The following LTBP1 variants were observed in gnomAD, a reference collection of about 807,000 sequenced individuals.
The protein encoded by LTBP1 is latent transforming growth factor beta binding protein 1.
A neutral mutation model predicts 207.6 loss-of-function variants in LTBP1; 129 were observed. The ratio of observed to expected loss-of-function variants is 0.62; its 90% confidence interval spans 0.54 to 0.72. The LOEUF is 0.72. Among genes scored for constraint, LTBP1 ranks in the 30% least tolerant of loss-of-function variants. LTBP1 has a pLI of 0.00. For missense variants in LTBP1, 2,281 were observed against 2,217.2 expected (o/e 1.03, Z -0.58); for synonymous variants, 963 against 833.7 (o/e 1.16, Z -2.67).
intron 23 of LTBP1, among the ~76,000 whole-genome samples, chr2:33,314,495 G>A (rs1039414670): frequency 6.6e-5 from 10 of 152,172 alleles, no homozygotes; most frequent in Non-Finnish European, 1.5e-4. Context: ...ACTGCAGTGA[G>A]CCATGATCAT....
chr2:33,004,816 A>ATATATATATATATATATAT (rs1558501569), intron 2 of LTBP1, among the ~76,000 whole-genome samples: 4 of 72,040 alleles, frequency 5.6e-5, no homozygotes, highest in Admixed American at 1.9e-4. Context: ...TATATATATA[A>ATATATATATATATATATAT]ACATAAAATT....
At chr2:33,064,374 A>G (rs1190868629) in intron 3 of LTBP1, among the ~76,000 whole-genome samples, 1 of 152,302 alleles carries the variant, frequency 6.6e-6, no homozygotes, top group East Asian at 1.9e-4. Context: ...TTAGCCTCCC[A>G]CAGTTTCATG....
intron 3 of LTBP1, among the ~76,000 whole-genome samples, chr2:33,071,351 C>G (rs1034138321): frequency 6.6e-6 from 1 of 152,192 alleles, no homozygotes; most frequent in African/African-American, 2.4e-5. Context: ...TTTTTGTAAA[C>G]GCAATCTCAG....
chr2:32,947,863 C>G (rs1191786494), intron 1 of LTBP1, 45 bp downstream of exon 1: 6 of 1,272,672 alleles, frequency 4.7e-6, no homozygotes, highest in Non-Finnish European at 6.0e-6. Context: ...CTCGCGCGCA[C>G]CGCCCGCGGA....
At chr2:33,257,584 C>T in intron 12 of LTBP1, 73 bp downstream of exon 12, 2 of 1,248,126 alleles carry the variant, frequency 1.6e-6, no homozygotes, top group Non-Finnish European at 2.3e-6. Flanking sequence ...CTGTTTATAA[C>T]CCTCTAGAAC....
At chr2:33,255,002 G>C (rs1375483782) in intron 11 of LTBP1, among the ~76,000 whole-genome samples, 2 of 143,120 alleles carry the variant, frequency 1.4e-5, no homozygotes, top group African/African-American at 5.3e-5. Flanking sequence ...ATGTATACAT[G>C]TGCCATGCTG....
chr2:33,027,986 A>G (rs79509043), intron 3 of LTBP1, among the ~76,000 whole-genome samples: 2,337 of 152,328 alleles, frequency 0.015, 60 homozygotes, highest in African/African-American at 0.054. Flanking sequence ...GGTCAGACCT[A>G]TTTTGTTGTT....
intron 4 of LTBP1, among the ~76,000 whole-genome samples, chr2:33,126,083 A>G (rs115456614): frequency 5.9e-4 from 89 of 152,094 alleles, no homozygotes; most frequent in African/African-American, 2.1e-3. Context: ...CCCATGAGTG[A>G]GTGTCTCCTT....
intron 24 of LTBP1, among the ~76,000 whole-genome samples, chr2:33,339,319 T>A (rs2094588899): frequency 6.6e-6 from 1 of 152,184 alleles, no homozygotes; most frequent in Non-Finnish European, 1.5e-5. Flanking sequence ...AGGTAAATTT[T>A]TGAGAGAGAC....
At chr2:33,124,786 T>C (rs1463951608) in intron 4 of LTBP1, among the ~76,000 whole-genome samples, 1 of 152,256 alleles carries the variant, frequency 6.6e-6, no homozygotes, top group Non-Finnish European at 1.5e-5. Context: ...CTATAAATTA[T>C]ATCCATACAA....
chr2:33,337,622 A>G (rs1271385086), intron 24 of LTBP1, among the ~76,000 whole-genome samples: 6 of 152,324 alleles, frequency 3.9e-5, no homozygotes, highest in Non-Finnish European at 1.5e-5. Flanking sequence ...TGGATTGACA[A>G]TTGACAGTTG....
At chr2:33,306,540 G>A (rs1268880964) in intron 22 of LTBP1, among the ~76,000 whole-genome samples, 4 of 151,572 alleles carry the variant, frequency 2.6e-5, no homozygotes, top group Admixed American at 6.6e-5. Context: ...ACTGTACTCC[G>A]GCCTGGGTGA....
chr2:33,354,884 G>C (rs2094837398), intron 26 of LTBP1, among the ~76,000 whole-genome samples: 1 of 152,046 alleles, frequency 6.6e-6, no homozygotes, highest in African/African-American at 2.4e-5. Context: ...AGGATTACAG[G>C]CCCACGCCAC....
At chr2:33,061,899 G>A (rs78927307) in intron 3 of LTBP1, among the ~76,000 whole-genome samples, 5,941 of 152,106 alleles carry the variant, frequency 0.039, 196 homozygotes, top group Non-Finnish European at 0.066. Flanking sequence ...TTTCCAAAGC[G>A]GTTTATCATT....
intron 9 of LTBP1, 64 bp downstream of exon 9, chr2:33,222,215 T>G: frequency 7.5e-6 from 9 of 1,196,104 alleles, no homozygotes; most frequent in Non-Finnish European, 1.1e-5. Flanking sequence ...GAAACTTCAG[T>G]TGTTTGCCAC....
rs371894461 is a variant in LTBP1 at position 32,968,991 on chromosome 2, T to G, written c.565+20046T>G. On this transcript the variant is annotated intron_variant, in intron 2 of 33. Coordinates refer to ENST00000404816, the MANE Select transcript of LTBP1 (RefSeq NM_206943.4). ...AGTGCAGTGGGCAATCTCGGCTCAC[T>G]GCAACCTCTGCCTCCTGGGCTCAAG... Among the ~76,000 whole-genome samples the G allele has an allele frequency of 3.3e-5, 5 of 149,954 alleles. 1 individual carries two copies. In the East Asian group the frequency reaches 9.8e-4, roughly 29 times the overall value.
chr2:33,062,397 A>G (rs139246203), intron 3 of LTBP1, among the ~76,000 whole-genome samples: 6 of 152,222 alleles, frequency 3.9e-5, no homozygotes, highest in South Asian at 4.2e-4. Flanking sequence ...ATATTTTCCT[A>G]TGATTTCTTC....
intron 3 of LTBP1, among the ~76,000 whole-genome samples, chr2:33,070,985 A>G (rs1024024849): frequency 1.3e-5 from 2 of 152,180 alleles, no homozygotes; most frequent in African/African-American, 2.4e-5. Context: ...TGCTAGATGT[A>G]TGAGAAACAC....
At chr2:33,234,637 G>A (rs138647783) in intron 9 of LTBP1, among the ~76,000 whole-genome samples, 2,289 of 152,202 alleles carry the variant, frequency 0.015, 27 homozygotes, top group Non-Finnish European at 0.023. Context: ...CGTGAAAATG[G>A]CCATACTGCC....
Sources: gnomAD v4.1 joint callset for allele counts (sites outside exome capture counted in the v4.1 genomes callset) on GRCh38, gnomAD v4.1.1 for gene constraint, MANE v1.5 for transcripts, NCBI Gene and HGNC (gene_info 2026-07-23, HGNC 2026-07-21) for gene names.